The following RAI1 variants were observed in gnomAD, a reference collection of about 807,000 sequenced individuals.
RAI1 encodes the protein retinoic acid-induced protein 1.
Under a neutral mutation model 123.8 loss-of-function variants are expected in RAI1, and 9 were observed. The ratio of observed to expected loss-of-function variants is 0.07; its 90% CI spans 0.04 to 0.13. The LOEUF (loss-of-function observed/expected upper bound fraction) is 0.13, where lower values mean the gene tolerates loss of function less well. Among genes scored for constraint, RAI1 ranks in the 10% least tolerant of loss-of-function variants. The pLI is 1.00. For synonymous variants in RAI1, 1,231 were observed against 1,127.3 expected, an observed-to-expected ratio of 1.09 and a Z score of -1.84; for missense variants, 2,256 against 2,545.8, an observed-to-expected ratio of 0.89 and a Z score of 2.45.
At position 17,794,555 on chromosome 17, in the gene RAI1, G is replaced by T. The variant is rs750604586; in HGVS notation, c.1607G>T (p.Arg536Leu). 4 of 1,613,156 alleles carry T rather than the reference G, an allele frequency of 2.5e-6. No individual in the cohort carries two copies. Among genetic ancestry groups the T allele is most frequent in the Non-Finnish European group, 3.4e-6 (4 of 1,180,006 alleles). ...ERSFLYCNQARGSPARVNSNS... is the reference protein window; with the variant it reads ...ERSFLYCNQALGSPARVNSNS... ...AGCTTCCTCTACTGCAACCAGGCCC[G>T]TGGCAGCCCTGCCAGGGTCAACAGC... Residue 536 changes from arginine (R) to leucine (L), a missense_variant, in exon 3 of 6, where the codon CGT becomes CTT. Arg to Leu is a moderately radical substitution (Grantham distance 102, BLOSUM62 -2). Coordinates refer to ENST00000353383, the MANE Select transcript of RAI1 (RefSeq NM_030665.4).
chr17:17,781,571 G>A (rs528825512), intron 2 of RAI1, among the ~76,000 whole-genome samples: 1 of 151,864 alleles, frequency 6.6e-6, no homozygotes, highest in African/African-American at 2.4e-5. Context: ...GTGCTTGGCC[G>A]CAGGGGAAGG....
At chr17:17,746,887 G>A (rs916223796) in intron 2 of RAI1, among the ~76,000 whole-genome samples, 1 of 151,522 alleles carries the variant, frequency 6.6e-6, no homozygotes, top group African/African-American at 2.4e-5. Flanking sequence ...CGCCTGCCTC[G>A]GCCTCCCAAA....
chr17:17,740,496 A>G (rs1187666763), intron 2 of RAI1, among the ~76,000 whole-genome samples: 1 of 152,242 alleles, frequency 6.6e-6, no homozygotes, highest in Non-Finnish European at 1.5e-5. Context: ...CAGGTGGGAA[A>G]GAGGCCTGAT....
Position 17,796,130 on chromosome 17 carries a change from C to T in RAI1, c.3182C>T (p.Thr1061Met), listed in dbSNP as rs770943182. Residue 1061 changes from threonine (T) to methionine (M), a missense_variant, in exon 3 of 6, where the codon ACG becomes ATG. This residue lies in a region of RAI1 where 566 missense variants were observed against 616.0 expected (regional missense o/e 0.92). Transcript: ENST00000353383. This position sits in a 1 kb window ranked among gnomAD's most constrained non-coding sequence, Gnocchi z 5.8. ...CCCAGGATGTGTACTCGTTCTCTCA[C>T]GGCCCTGAGTGAGCCCCGCACGCCC... The part of the protein sequence containing the change: ...GLPRMCTRSL[T>M]ALSEPRTPGP... The T allele has an allele frequency of 1.2e-5, 19 of 1,581,464 alleles. No homozygotes were observed. Among genetic ancestry groups the T allele is most frequent in the Admixed American group, 5.4e-5 (3 of 55,782 alleles).
chr17:17,726,728 G>GA (rs5819621), intron 2 of RAI1, among the ~76,000 whole-genome samples: 24 of 151,264 alleles, frequency 1.6e-4, no homozygotes, highest in African/African-American at 3.4e-4. Flanking sequence ...CAGAAAAGCT[G>GA]AAAAAAAAAG....
At chr17:17,767,242 C>T (rs1169673963) in intron 2 of RAI1, among the ~76,000 whole-genome samples, 1 of 152,150 alleles carries the variant, frequency 6.6e-6, no homozygotes, top group Admixed American at 6.5e-5. Context: ...GAGGCCTAGG[C>T]CACAGCAGGC....
chr17:17,765,599 G>T (rs2030894042), intron 2 of RAI1, among the ~76,000 whole-genome samples: 1 of 152,250 alleles, frequency 6.6e-6, no homozygotes, highest in Non-Finnish European at 1.5e-5. Flanking sequence ...TATAATATTT[G>T]AATGCACTGA....
chr17:17,736,412 G>A lies in RAI1; in HGVS notation c.-17+12253G>A, dbSNP rs570440510. Among the ~76,000 whole-genome samples the A allele has an allele frequency of 2.0e-5, 3 of 152,328 alleles. No homozygotes were observed. The South Asian group carries it at 6.2e-4, about 32-fold the overall frequency. On this transcript the variant is annotated intron_variant, in intron 2 of 5. Coordinates refer to ENST00000353383, the MANE Select transcript of RAI1 (RefSeq NM_030665.4). The stretch of plus-strand genomic sequence containing the variant: ...TTGTCCTTGCTCTGGGATAAGAGCA[G>A]GCCCAGCAGATGGCCGAGAGGTCCC...
chr17:17,798,435 C>T lies in RAI1; in HGVS notation c.5487C>T (p.Ala1829=), dbSNP rs192877669. 82 of 1,610,108 alleles carry T rather than the reference C, an allele frequency of 5.1e-5. No homozygotes were observed. The highest frequency in any genetic ancestry group is 1.5e-4 in the Admixed American group (9 of 59,978). Residue 1829 remains alanine (A), a synonymous_variant, in exon 3 of 6, where the codon GCC becomes GCT. Coordinates refer to ENST00000353383, the MANE Select transcript of RAI1 (RefSeq NM_030665.4). ...AGCACTGGGTGCATGAGGCCTGTGCCGTGTGGACCGGCGGCGTCTACCTGG... is the reference window on the plus strand; with the variant it reads ...AGCACTGGGTGCATGAGGCCTGTGCTGTGTGGACCGGCGGCGTCTACCTGG... ...AQEHWVHEAC[A]VWTGGVYLVA... is the part of the protein sequence containing the mutation.
rs1336056463 is a variant in RAI1 at position 17,685,270 on chromosome 17, C to T, written c.-149+3477C>T. Among the ~76,000 whole-genome samples, 1 of 152,220 alleles carries T rather than the reference C, an allele frequency of 6.6e-6. No individual in the cohort carries two copies. Among genetic ancestry groups the T allele is most frequent in the East Asian group, 1.9e-4 (1 of 5,196 alleles). On this transcript the variant is annotated intron_variant, in intron 1 of 5. Coordinates refer to ENST00000353383, the MANE Select transcript of RAI1 (RefSeq NM_030665.4). This position sits in a 1 kb window ranked among gnomAD's most constrained non-coding sequence, Gnocchi z 4.0. ...CTGGGCCCAAGGGAACAGGGATTTTCCAAGGACCCACTGTTTCCAAAGTTC... is the reference window on the plus strand; with the variant it reads ...CTGGGCCCAAGGGAACAGGGATTTTTCAAGGACCCACTGTTTCCAAAGTTC...
intron 1 of RAI1, among the ~76,000 whole-genome samples, chr17:17,691,871 G>A (rs1914849548): frequency 6.6e-6 from 1 of 152,188 alleles, no homozygotes; most frequent in African/African-American, 2.4e-5. Context: ...TCTCTCATTT[G>A]CAGCTTTCTG....
chr17:17,687,139 C>T (rs774293506), intron 1 of RAI1, among the ~76,000 whole-genome samples: 14 of 152,158 alleles, frequency 9.2e-5, no homozygotes, highest in Admixed American at 2.6e-4. Context: ...CCCACCACCA[C>T]GCCCGGCTAG....
intron 2 of RAI1, among the ~76,000 whole-genome samples, chr17:17,775,510 G>T (rs117297993): frequency 7.5e-6 from 1 of 133,394 alleles, no homozygotes; most frequent in Non-Finnish European, 1.7e-5. Context: ...GGCCTCATGT[G>T]TAACTTTCGA....
chr17:17,694,865 T>C (rs1438647012), intron 1 of RAI1, among the ~76,000 whole-genome samples: 1 of 151,716 alleles, frequency 6.6e-6, no homozygotes, highest in African/African-American at 2.4e-5. Flanking sequence ...CCCTGGCGGA[T>C]CCCGGGTCTT....
chr17:17,810,126 G>A lies in RAI1; in HGVS notation c.*145G>A. 5.9e-6 allele frequency: 7 copies of A among 1,184,862 alleles called. No homozygotes were observed. Among genetic ancestry groups the A allele is most frequent in the South Asian group, 3.2e-5 (2 of 62,554 alleles). 73.4% of individuals were successfully genotyped at this position (1,184,862 alleles called of 1,614,324 possible). A position where few individuals can be genotyped will look rare whatever the true frequency, so the allele number is the denominator to read the frequency against. ...CGATCCTTGATCCGGGTCCCGGATC[G>A]TGGATCCGGCCGCCTAGGGCTCAGA... On this transcript the variant is annotated 3_prime_UTR_variant, in exon 6 of 6. Coordinates refer to ENST00000353383, the MANE Select transcript of RAI1 (RefSeq NM_030665.4). The surrounding 1 kb of genome is among the most constrained non-coding windows in gnomAD (Gnocchi z 4.6).
chr17:17,784,289 G>A (rs1349932738), intron 2 of RAI1, among the ~76,000 whole-genome samples: 1 of 152,234 alleles, frequency 6.6e-6, no homozygotes, highest in Non-Finnish European at 1.5e-5. Context: ...CAGCGAGGGG[G>A]TGTCAAAGGC....
In RAI1 at chr17:17,793,835, G is replaced by A. The variant is rs201729595; in HGVS notation, c.887G>A (p.Arg296Gln). 68 of 1,612,842 alleles carry A rather than the reference G, an allele frequency of 4.2e-5. No individual in the cohort carries two copies. Among genetic ancestry groups the A allele is most frequent in the Middle Eastern group, 1.7e-4 (1 of 6,056 alleles). The change falls in exon 3 of 6, where the codon CGG becomes CAG. Residue 296 changes from arginine to glutamine, a missense_variant. Coordinates refer to ENST00000353383, the MANE Select transcript of RAI1 (RefSeq NM_030665.4). ...CAGCAGCAGCAAGCCCTTCAGAGCC[G>A]GCACCATGCCCAGGAAACCCTCCAT... The part of the protein sequence containing the change: ...QQQQQQALQS[R>Q]HHAQETLHYQ...
At chr17:17,706,196 G>T (rs1202565276) in intron 1 of RAI1, among the ~76,000 whole-genome samples, 4 of 152,080 alleles carry the variant, frequency 2.6e-5, no homozygotes, top group Admixed American at 2.0e-4. Context: ...TGGGGCGTCA[G>T]ATTTGCAGAG....
chr17:17,809,223 A>G lies in RAI1; in HGVS notation c.5660-167A>G. The stretch of plus-strand genomic sequence containing the variant: ...GGGCCGCACCCGCGCCGTGGAGTGG[A>G]GTGGAGTGTGGAGGGTTTTGTGCAG... On this transcript the variant is annotated intron_variant, in intron 4 of 5. Transcript: ENST00000353383. The surrounding 1 kb of genome is among the most constrained non-coding windows in gnomAD (Gnocchi z 4.9). 4 of 739,020 alleles carry G rather than the reference A, an allele frequency of 5.4e-6. No homozygotes were observed. The highest frequency in any genetic ancestry group is 9.8e-6 in the Non-Finnish European group (4 of 406,392). 45.8% of individuals were successfully genotyped at this position (739,020 alleles called of 1,614,324 possible). A position where few individuals can be genotyped will look rare whatever the true frequency, so the allele number is the denominator to read the frequency against.
Sources: gnomAD v4.1 joint callset for allele counts (sites outside exome capture counted in the v4.1 genomes callset) on GRCh38, gnomAD v4.1.1 for gene constraint, gnomAD v4.1.1 regional missense constraint, Gnocchi (gnomAD v3.1) non-coding constraint, MANE v1.5 for transcripts, NCBI Gene and HGNC (gene_info 2026-07-23, HGNC 2026-07-21) for gene names.